The following TAFA2 variants were observed in gnomAD, a reference collection of about 807,000 sequenced individuals.
TAFA2 encodes the protein TAFA chemokine like family member 2, also known as chemokine-like protein TAFA-2.
In TAFA2, 7 loss-of-function variants were observed where a neutral mutation model predicts 18.8. The observed-to-expected ratio is 0.37, with a 90% confidence interval of 0.21 to 0.70. The LOEUF (loss-of-function observed/expected upper bound fraction) is 0.70. Ranked by LOEUF, TAFA2 falls within the 30% of genes least tolerant of loss-of-function variation. TAFA2 has a pLI of 0.53. For synonymous variants in TAFA2, 60 were observed against 54.2 expected (o/e 1.11, Z -0.47); for missense variants, 122 against 158.1 (o/e 0.77, Z 1.23).
At chr12:61,955,184 T>C (rs1671213654) in intron 1 of TAFA2, among the ~76,000 whole-genome samples, 1 of 152,176 alleles carries the variant, frequency 6.6e-6, no homozygotes, top group South Asian at 2.1e-4. Flanking sequence ...TATTGCTTAA[T>C]TTAGAGATGG....
intron 1 of TAFA2, among the ~76,000 whole-genome samples, chr12:61,980,740 C>T (rs1010520981): frequency 1.3e-5 from 2 of 152,212 alleles, no homozygotes; most frequent in Admixed American, 6.5e-5. Flanking sequence ...CCTAAGAATC[C>T]GACTTACAAG....
chr12:61,759,323 T>C (rs1324679292), intron 2 of TAFA2, among the ~76,000 whole-genome samples: 2 of 152,040 alleles, frequency 1.3e-5, no homozygotes, highest in Non-Finnish European at 2.9e-5. Context: ...TATAAGGGCA[T>C]GACGTGCTTT....
At chr12:61,716,290 A>G (rs999020217) in intron 4 of TAFA2, among the ~76,000 whole-genome samples, 1 of 152,172 alleles carries the variant, frequency 6.6e-6, no homozygotes, top group Non-Finnish European at 1.5e-5. Flanking sequence ...TCTTTCTAAT[A>G]AACCAGCTAC....
chr12:61,940,507 C>T (rs1037632786), intron 1 of TAFA2, among the ~76,000 whole-genome samples: 3 of 152,202 alleles, frequency 2.0e-5, no homozygotes, highest in African/African-American at 7.2e-5. Context: ...AGAGGCCTTA[C>T]TCTGCACAAA....
At chr12:61,897,576 A>C (rs1875906235) in intron 1 of TAFA2, among the ~76,000 whole-genome samples, 3 of 102,452 alleles carry the variant, frequency 2.9e-5, no homozygotes, top group African/African-American at 1.6e-4. Flanking sequence ...GGAACTGTCC[A>C]ACACTTATAA....
chr12:61,794,494 A>T (rs1057195190), intron 2 of TAFA2, among the ~76,000 whole-genome samples: 3 of 152,044 alleles, frequency 2.0e-5, no homozygotes, highest in African/African-American at 7.2e-5. Context: ...CACACTGAAA[A>T]TTATAAAACA....
At chr12:61,932,296 T>C (rs1326228390) in intron 1 of TAFA2, among the ~76,000 whole-genome samples, 1 of 152,206 alleles carries the variant, frequency 6.6e-6, no homozygotes, top group Admixed American at 6.5e-5. Context: ...TTTTTGAATG[T>C]GTTCAGATTT....
At chr12:61,999,681 T>C (rs551067264) in intron 1 of TAFA2, among the ~76,000 whole-genome samples, 1 of 152,304 alleles carries the variant, frequency 6.6e-6, no homozygotes, top group Admixed American at 6.5e-5. Flanking sequence ...ACTAGTACTA[T>C]ATCCCAGAAT....
At chr12:62,193,159 T>A (rs1461940703), upstream of TAFA2, among the ~76,000 whole-genome samples, 1 of 152,140 alleles carries the variant, frequency 6.6e-6, no homozygotes, top group East Asian at 1.9e-4. Flanking sequence ...CTCACTTCGA[T>A]CATGTTTGGA....
intron 1 of TAFA2, among the ~76,000 whole-genome samples, chr12:62,109,195 T>C (rs907044169): frequency 6.6e-6 from 1 of 152,250 alleles, no homozygotes; most frequent in Non-Finnish European, 1.5e-5. Flanking sequence ...GTTTTCTGCA[T>C]GTGGCTAGCC....
chr12:61,782,945 T>TA (rs538340202), intron 2 of TAFA2, among the ~76,000 whole-genome samples: 190 of 151,896 alleles, frequency 1.3e-3, no homozygotes, highest in African/African-American at 4.4e-3. Context: ...AATTTCCTGA[T>TA]AATAAAGAGC....
intron 1 of TAFA2, among the ~76,000 whole-genome samples, chr12:62,145,027 A>G (rs939802007): frequency 6.6e-6 from 1 of 152,236 alleles, no homozygotes; most frequent in African/African-American, 2.4e-5. Context: ...TCCCTTCAAC[A>G]ATAATCAAAG....
At chr12:62,000,081 G>A (rs189748106) in intron 1 of TAFA2, among the ~76,000 whole-genome samples, 383 of 152,194 alleles carry the variant, frequency 2.5e-3, no homozygotes, top group Admixed American at 4.4e-3. Flanking sequence ...TTTCCATTAA[G>A]ATCAATGTCA....
intron 2 of TAFA2, among the ~76,000 whole-genome samples, chr12:61,830,286 C>T (rs975150571): frequency 1.3e-5 from 2 of 149,842 alleles, no homozygotes; most frequent in African/African-American, 4.9e-5. Flanking sequence ...AGGTTTATTC[C>T]ATATCTTTTA....
At chr12:61,941,758 G>A (rs968725253) in intron 1 of TAFA2, among the ~76,000 whole-genome samples, 7 of 152,022 alleles carry the variant, frequency 4.6e-5, no homozygotes, top group South Asian at 4.2e-4. Flanking sequence ...CTTAAAAAAC[G>A]GCACACCACG....
At chr12:62,159,920 C>CCCCA (rs2062395244) in intron 1 of TAFA2, among the ~76,000 whole-genome samples, 1 of 152,132 alleles carries the variant, frequency 6.6e-6, no homozygotes, top group Non-Finnish European at 1.5e-5. Flanking sequence ...ATTGGATGTT[C>CCCCA]TTAGACTCCC....
chr12:61,768,021 A>G (rs1012669129), intron 2 of TAFA2, among the ~76,000 whole-genome samples: 1 of 152,104 alleles, frequency 6.6e-6, no homozygotes, highest in African/African-American at 2.4e-5. Flanking sequence ...CAAGTCAAGA[A>G]ACCTGTGCTT....
chr12:61,927,270 G>C (rs1246273387), intron 1 of TAFA2, among the ~76,000 whole-genome samples: 1 of 151,976 alleles, frequency 6.6e-6, no homozygotes, highest in Non-Finnish European at 1.5e-5. Flanking sequence ...AAAACCCATC[G>C]TCTCAGCCCA....
intron 1 of TAFA2, among the ~76,000 whole-genome samples, chr12:61,981,037 A>G (rs1879617659): frequency 6.6e-6 from 1 of 152,242 alleles, no homozygotes; most frequent in South Asian, 2.1e-4. Flanking sequence ...TGGAGGCATC[A>G]TGCTACCTGA....
Sources: gnomAD v4.1 joint callset for allele counts (sites outside exome capture counted in the v4.1 genomes callset) on GRCh38, gnomAD v4.1.1 for gene constraint, MANE v1.5 for transcripts, NCBI Gene and HGNC (gene_info 2026-07-23, HGNC 2026-07-21) for gene names.